The following PARD3 variants were observed in gnomAD, a reference collection of about 807,000 sequenced individuals.
PARD3 encodes the protein par-3 family cell polarity regulator, also known as partitioning defective 3 homolog.
In PARD3, 75 loss-of-function variants were observed where a neutral mutation model predicts 155.4. The ratio of observed to expected loss-of-function variants is 0.48; its 90% CI spans 0.40 to 0.58. The LOEUF (loss-of-function observed/expected upper bound fraction) is 0.58. Among genes scored for constraint, PARD3 ranks in the 20% least tolerant of loss-of-function variants. The pLI, the probability that PARD3 is intolerant of heterozygous loss-of-function variation, is 0.00. For missense variants in PARD3, 1,642 were observed against 1,721.7 expected, an observed-to-expected ratio of 0.95 and a Z score of 0.82; for synonymous variants, 576 against 610.5, an observed-to-expected ratio of 0.94 and a Z score of 0.83.
intron 5 of PARD3, among the ~76,000 whole-genome samples, chr10:34,440,221 A>T (rs919908898): frequency 1.3e-5 from 2 of 152,232 alleles, no homozygotes; most frequent in African/African-American, 4.8e-5. Context: ...GGCAGTGAAA[A>T]AAACACATTG....
intron 5 of PARD3, among the ~76,000 whole-genome samples, chr10:34,433,078 A>T (rs1415958777): frequency 2.0e-5 from 3 of 152,188 alleles, no homozygotes; most frequent in Non-Finnish European, 4.4e-5. Flanking sequence ...TAAAATGTTT[A>T]CTTTCAATAA....
chr10:34,759,857 C>A (rs536671053), intron 1 of PARD3, among the ~76,000 whole-genome samples: 2 of 152,338 alleles, frequency 1.3e-5, no homozygotes, highest in Admixed American at 6.5e-5. Flanking sequence ...TTTTTAATAT[C>A]ATGTGAAAAG....
intron 10 of PARD3, among the ~76,000 whole-genome samples, chr10:34,375,879 C>T (rs1841178555): frequency 6.6e-6 from 1 of 152,142 alleles, no homozygotes. Flanking sequence ...CAAGGTACTA[C>T]TATTAAGGAA....
In PARD3 at chr10:34,450,310, A is replaced by T; in HGVS notation, c.714+7T>A. ...AATGACGCACATATAAGGATTTGTC[A>T]TGTTACCTGTTCTTGTTTCTCCAGC... On this transcript the variant is annotated splice_region_variant and intron_variant, in intron 5 of 24. Coordinates refer to ENST00000374788, the MANE Select transcript of PARD3 (RefSeq NM_001184785.2). 1 of 1,612,066 alleles carries T rather than the reference A, an allele frequency of 6.2e-7. No homozygotes were observed. The highest frequency in any genetic ancestry group is 1.3e-5 in the African/African-American group (1 of 74,886).
intron 24 of PARD3, among the ~76,000 whole-genome samples, chr10:34,113,220 AC>A (rs1946480523): frequency 6.6e-6 from 1 of 151,718 alleles, no homozygotes; most frequent in Non-Finnish European, 1.5e-5. Context: ...AGATCCACCA[AC>A]CCCCTTCCTC....
intron 3 of PARD3, among the ~76,000 whole-genome samples, chr10:34,503,210 A>C (rs1183025445): frequency 6.6e-6 from 1 of 152,210 alleles, no homozygotes; most frequent in Admixed American, 6.5e-5. Flanking sequence ...TCATTAACAC[A>C]AATTCTGTAT....
intron 16 of PARD3, among the ~76,000 whole-genome samples, chr10:34,338,964 C>G (rs570806566): frequency 7.2e-5 from 11 of 152,264 alleles, no homozygotes; most frequent in Admixed American, 4.6e-4. Context: ...ATTATGATGA[C>G]AGACATCTAC....
At chr10:34,678,563 G>T (rs555001864) in intron 2 of PARD3, among the ~76,000 whole-genome samples, 1 of 151,900 alleles carries the variant, frequency 6.6e-6, no homozygotes, top group Non-Finnish European at 1.5e-5. Context: ...GATTCCATAC[G>T]AGTAATAAGG....
intron 22 of PARD3, among the ~76,000 whole-genome samples, chr10:34,197,569 C>T (rs1202737562): frequency 6.6e-6 from 1 of 152,132 alleles, no homozygotes; most frequent in Non-Finnish European, 1.5e-5. Flanking sequence ...TTATTCCATC[C>T]CTTCTCTCTT....
chr10:34,650,328 T>C (rs1042913781), intron 2 of PARD3, among the ~76,000 whole-genome samples: 3 of 152,334 alleles, frequency 2.0e-5, no homozygotes, highest in African/African-American at 7.2e-5. Flanking sequence ...CACTAGACAA[T>C]AGGAACTTCT....
Position 34,663,421 on chromosome 10 carries a change from G to A in PARD3, c.222+32897C>T, listed in dbSNP as rs368032375. On this transcript the variant is annotated intron_variant, in intron 2 of 24. Coordinates refer to ENST00000374788, the MANE Select transcript of PARD3 (RefSeq NM_001184785.2). ...GCGGAGATTGCAGTGAGAGGAGATC[G>A]CACCATTGCACTCCAGCCTGGGCAA... Among the ~76,000 whole-genome samples, 100 of 152,132 alleles carry A rather than the reference G, an allele frequency of 6.6e-4. 1 individual carries two copies. The highest frequency in any genetic ancestry group is 2.4e-3 in the African/African-American group (99 of 41,522).
At position 34,504,134 on chromosome 10, in the gene PARD3, A is replaced by AT. The variant is rs374290812; in HGVS notation, c.403+12844dup. 7.3e-3 allele frequency among the ~76,000 whole-genome samples: 1,080 copies of AT among 147,552 alleles called. 8 individuals carry two copies. Among genetic ancestry groups the AT allele is most frequent in the African/African-American group, 0.023 (931 of 40,478 alleles). On this transcript the variant is annotated intron_variant, in intron 3 of 24. Coordinates refer to ENST00000374788, the MANE Select transcript of PARD3 (RefSeq NM_001184785.2). ...GCAGTATACACACTGGAGCCCCCAGATTTTTTTTTTTAAGAGATGGGGTCT... is the reference window on the plus strand; with the variant it reads ...GCAGTATACACACTGGAGCCCCCAGATTTTTTTTTTTTAAGAGATGGGGTCT...
intron 2 of PARD3, among the ~76,000 whole-genome samples, chr10:34,524,407 T>C (rs1449802812): frequency 6.6e-6 from 1 of 152,238 alleles, no homozygotes; most frequent in East Asian, 1.9e-4. Context: ...TCACCTATGA[T>C]ACTCCCTAGC....
chr10:34,611,930 G>GCC (rs34946255), intron 2 of PARD3, among the ~76,000 whole-genome samples: 60 of 104,668 alleles, frequency 5.7e-4, no homozygotes, highest in Non-Finnish European at 9.7e-4. Context: ...CTGCCTCAGC[G>GCC]CCCCCCCTAC....
At chr10:34,541,741 C>A (rs2083624537) in intron 2 of PARD3, among the ~76,000 whole-genome samples, 2 of 152,154 alleles carry the variant, frequency 1.3e-5, no homozygotes, top group African/African-American at 4.8e-5. Context: ...TAAAATTAAG[C>A]CAATATTATA....
chr10:34,441,809 C>T (rs559009203), intron 5 of PARD3, among the ~76,000 whole-genome samples: 10 of 152,128 alleles, frequency 6.6e-5, no homozygotes, highest in Middle Eastern at 3.4e-3. Flanking sequence ...AATTTTAACA[C>T]GTGTTAGAAT....
intron 2 of PARD3, among the ~76,000 whole-genome samples, chr10:34,684,886 C>T (rs1415025208): frequency 6.9e-6 from 1 of 144,426 alleles, no homozygotes; most frequent in African/African-American, 2.8e-5. Context: ...CATACACACA[C>T]ACACACACAC....
chr10:34,268,410 C>T (rs1167686330), intron 22 of PARD3, among the ~76,000 whole-genome samples: 3 of 145,824 alleles, frequency 2.1e-5, no homozygotes, highest in Non-Finnish European at 4.5e-5. Flanking sequence ...ACCATTTGAC[C>T]CAGCCATCCT....
intron 3 of PARD3, among the ~76,000 whole-genome samples, chr10:34,511,299 G>A (rs928014831): frequency 3.9e-5 from 6 of 151,936 alleles, no homozygotes; most frequent in Admixed American, 1.3e-4. Context: ...TTTTTCATCA[G>A]GAGGCATACA....
Sources: allele counts gnomAD v4.1 joint callset (sites outside exome capture counted in the v4.1 genomes callset), GRCh38; gene constraint gnomAD v4.1.1; transcripts MANE v1.5; gene names NCBI Gene and HGNC (gene_info 2026-07-23, HGNC 2026-07-21).